POU6F2: variants seen among roughly 807,000 people sequenced by gnomAD.
The protein encoded by POU6F2 is POU class 6 homeobox 2, also known as POU domain, class 6, transcription factor 2.
In POU6F2, 31 loss-of-function variants were observed where a neutral mutation model predicts 71.3. The ratio of observed to expected loss-of-function variants is 0.43; its 90% CI spans 0.33 to 0.59. POU6F2 has a LOEUF of 0.59. POU6F2 is among the 20% of genes least tolerant of loss of function. The pLI is 0.04. For missense variants in POU6F2, 783 were observed against 856.8 expected (o/e 0.91, Z 1.07); for synonymous variants, 347 against 355.7 (o/e 0.98, Z 0.27).
In POU6F2 at chr7:39,440,490, G is replaced by A. The variant is rs142570174; in HGVS notation, c.1320+7207G>A. Among the ~76,000 whole-genome samples, 829 of 152,196 alleles carry A rather than the reference G, an allele frequency of 5.4e-3. 5 individuals are homozygous for A. Among genetic ancestry groups the A allele is most frequent in the African/African-American group, 0.019 (792 of 41,526 alleles). On this transcript the variant is annotated intron_variant, in intron 7 of 9. Coordinates refer to ENST00000518318, the MANE Select transcript of POU6F2 (RefSeq NM_001370959.1). The stretch of plus-strand genomic sequence containing the variant: ...TTGATCAATTTGGCTATTGACACTT[G>A]TGTATGCTTCACGAAGTTCTTGTGC...
At chr7:39,090,715 A>G (rs546637447) in intron 2 of POU6F2, among the ~76,000 whole-genome samples, 1 of 152,182 alleles carries the variant, frequency 6.6e-6, no homozygotes, top group Non-Finnish European at 1.5e-5. Flanking sequence ...TTTCTATATC[A>G]ATTGAAAATT....
In POU6F2 at chr7:39,339,594, A is replaced by G. The variant is rs1394968293; in HGVS notation, c.599-48A>G. 1.3e-5 allele frequency: 20 copies of G among 1,536,752 alleles called. 1 individual carries two copies. The highest frequency in any genetic ancestry group is 1.1e-4 in the East Asian group (5 of 44,312). On this transcript the variant is annotated intron_variant, in intron 4 of 9. Transcript: ENST00000518318. ...GGACAGGCTGTCAAGACCCAGCAAG[A>G]CACTTTGTCATGTTATCTCACTCCA...
chr7:39,430,542 TGA>T (rs1788075690), intron 6 of POU6F2, among the ~76,000 whole-genome samples: 1 of 152,246 alleles, frequency 6.6e-6, no homozygotes, highest in Non-Finnish European at 1.5e-5. Flanking sequence ...AGGAAGAGGC[TGA>T]TGACTTGTTT....
chr7:38,989,213 C>G lies in POU6F2; in HGVS notation c.105+11155C>G, dbSNP rs554838245. ...CTTTAGATGTGTCCGACTTCAAATA[C>G]AGTGTCCCAAGTTATTTTCACAAAT... is the stretch of plus-strand genomic sequence containing the variant. On this transcript the variant is annotated intron_variant, in intron 1 of 9. Coordinates refer to ENST00000518318, the MANE Select transcript of POU6F2 (RefSeq NM_001370959.1). 5.9e-5 allele frequency among the ~76,000 whole-genome samples: 9 copies of G among 152,210 alleles called. No individual in the cohort carries two copies. In the South Asian group the frequency reaches 1.9e-3, roughly 32 times the overall value.
At chr7:39,364,597 C>A (rs1786459946) in intron 5 of POU6F2, among the ~76,000 whole-genome samples, 1 of 152,172 alleles carries the variant, frequency 6.6e-6, no homozygotes, top group Admixed American at 6.5e-5. Context: ...GCCATTAATT[C>A]TTTCCTTTTT....
intron 4 of POU6F2, among the ~76,000 whole-genome samples, chr7:39,247,796 T>G (rs1031423320): frequency 2.0e-5 from 3 of 152,118 alleles, no homozygotes; most frequent in Non-Finnish European, 4.4e-5. Context: ...GTCACAGACT[T>G]TTAAGTTAAT....
At chr7:39,184,449 G>T (rs1256021683) in intron 2 of POU6F2, among the ~76,000 whole-genome samples, 1 of 152,150 alleles carries the variant, frequency 6.6e-6, no homozygotes, top group Non-Finnish European at 1.5e-5. Flanking sequence ...GGTGGTATAT[G>T]CCTAAATTTA....
chr7:39,412,416 T>C (rs531342981), intron 6 of POU6F2, among the ~76,000 whole-genome samples: 66 of 152,314 alleles, frequency 4.3e-4, no homozygotes, highest in Non-Finnish European at 5.6e-4. Context: ...AGCCAAAGGA[T>C]TGAGATACAA....
At chr7:39,133,399 G>T (rs991636770) in intron 2 of POU6F2, among the ~76,000 whole-genome samples, 2 of 152,230 alleles carry the variant, frequency 1.3e-5, no homozygotes, top group African/African-American at 4.8e-5. Flanking sequence ...AGAGAGCAGG[G>T]CTGTGTCAGT....
intron 5 of POU6F2, among the ~76,000 whole-genome samples, chr7:39,380,243 T>A (rs1180440622): frequency 6.6e-6 from 1 of 152,210 alleles, no homozygotes; most frequent in Non-Finnish European, 1.5e-5. Flanking sequence ...GAGACCCAGA[T>A]TCTAATTGCA....
At chr7:39,123,467 C>G (rs960190619) in intron 2 of POU6F2, among the ~76,000 whole-genome samples, 1 of 152,182 alleles carries the variant, frequency 6.6e-6, no homozygotes, top group African/African-American at 2.4e-5. Context: ...CTTCAATTTT[C>G]TTTGGTTTGT....
chr7:39,407,828 G>C (rs1452559893), intron 6 of POU6F2, among the ~76,000 whole-genome samples: 2 of 152,140 alleles, frequency 1.3e-5, no homozygotes, highest in Non-Finnish European at 2.9e-5. Context: ...TTATTTCCTG[G>C]GCGGGTGTGG....
At chr7:39,012,862 TGAG>T (rs1789340330) in intron 1 of POU6F2, among the ~76,000 whole-genome samples, 1 of 151,710 alleles carries the variant, frequency 6.6e-6, no homozygotes, top group African/African-American at 2.4e-5. Flanking sequence ...GGGACCCACT[TGAG>T]GAGGCAGTCT....
In POU6F2 at chr7:39,351,443, G is replaced by A. The variant is rs147988146; in HGVS notation, c.972+11428G>A. On this transcript the variant is annotated intron_variant, in intron 5 of 9. Transcript: ENST00000518318. Reference sequence around the variant, plus strand: ...ATATCTGCAGAAAAAGTTCAAACCTGGTGATTCCTATTTGATATTTAAAAT... The same window carrying A: ...ATATCTGCAGAAAAAGTTCAAACCTAGTGATTCCTATTTGATATTTAAAAT... Among the ~76,000 whole-genome samples the A allele has an allele frequency of 4.2e-3, 633 of 152,196 alleles. 4 individuals are homozygous for A. The highest frequency in any genetic ancestry group is 0.014 in the African/African-American group (580 of 41,524).
intron 2 of POU6F2, among the ~76,000 whole-genome samples, chr7:39,120,572 A>C (rs1178023606): frequency 6.6e-6 from 1 of 152,238 alleles, no homozygotes; most frequent in East Asian, 1.9e-4. Context: ...TTAACAACTC[A>C]ACAAGGTGAT....
intron 4 of POU6F2, among the ~76,000 whole-genome samples, chr7:39,217,176 A>G (rs925578627): frequency 2.6e-5 from 4 of 152,228 alleles, no homozygotes; most frequent in African/African-American, 9.6e-5. Flanking sequence ...TTAAAAAAGC[A>G]ACTCTCAACA....
chr7:39,068,616 G>C (rs189963108), intron 1 of POU6F2, among the ~76,000 whole-genome samples: 1 of 152,022 alleles, frequency 6.6e-6, no homozygotes, highest in East Asian at 1.9e-4. Flanking sequence ...AATTTTGAAA[G>C]GTTAAATGAT....
At chr7:39,360,137 A>G (rs1464327609) in intron 5 of POU6F2, among the ~76,000 whole-genome samples, 2 of 152,240 alleles carry the variant, frequency 1.3e-5, no homozygotes. Flanking sequence ...ACTTTTCAAC[A>G]GGGTAGTTAA....
At chr7:39,243,065 C>T (rs535338348) in intron 4 of POU6F2, among the ~76,000 whole-genome samples, 4 of 152,116 alleles carry the variant, frequency 2.6e-5, no homozygotes, top group Admixed American at 6.6e-5. Context: ...AAGAAATCAC[C>T]AAGCATACCT....
Sources: gnomAD v4.1 joint callset for allele counts (sites outside exome capture counted in the v4.1 genomes callset) on GRCh38, gnomAD v4.1.1 for gene constraint, MANE v1.5 for transcripts, NCBI Gene and HGNC (gene_info 2026-07-23, HGNC 2026-07-21) for gene names.